The following EYS variants were observed in gnomAD, a reference collection of about 807,000 sequenced individuals.
The protein encoded by EYS is protein eyes shut homolog.
In EYS, 250 loss-of-function variants were observed where a neutral mutation model predicts 282.1. The ratio of observed to expected loss-of-function variants is 0.89; its 90% CI spans 0.80 to 0.98. The LOEUF (loss-of-function observed/expected upper bound fraction) is 0.98, where lower values mean the gene tolerates loss of function less well. EYS is among the 50% of genes least tolerant of loss of function. EYS has a pLI of 0.00. For missense variants in EYS, 4,016 were observed against 3,709.0 expected, an observed-to-expected ratio of 1.08 and a Z score of -2.15; for synonymous variants, 1,355 against 1,282.9, an observed-to-expected ratio of 1.06 and a Z score of -1.20.
intron 1 of EYS, among the ~76,000 whole-genome samples, chr6:65,679,736 C>G (rs1768751074): frequency 1.3e-5 from 2 of 151,856 alleles, no homozygotes; most frequent in South Asian, 4.1e-4. Flanking sequence ...CTTGTTATGA[C>G]AAATTAAAAA....
chr6:65,347,046 G>T (rs1770421874), intron 9 of EYS, among the ~76,000 whole-genome samples: 1 of 151,738 alleles, frequency 6.6e-6, no homozygotes, highest in South Asian at 2.1e-4. Flanking sequence ...TATTCTCAAT[G>T]ATCAGAAGGT....
At chr6:63,856,996 C>CA (rs1384749828) in intron 36 of EYS, among the ~76,000 whole-genome samples, 2 of 152,124 alleles carry the variant, frequency 1.3e-5, no homozygotes, top group Non-Finnish European at 2.9e-5. Context: ...CTCCATATAA[C>CA]AGACAACTTA....
chr6:64,417,874 A>G (rs1422182824), intron 28 of EYS, among the ~76,000 whole-genome samples: 1 of 152,022 alleles, frequency 6.6e-6, no homozygotes, highest in East Asian at 1.9e-4. Context: ...GTTTCACCAT[A>G]TAGGCCAGGC....
chr6:63,835,908 G>A (rs1446000328), intron 36 of EYS, among the ~76,000 whole-genome samples: 2 of 152,020 alleles, frequency 1.3e-5, no homozygotes, highest in Non-Finnish European at 2.9e-5. Flanking sequence ...GGAAAAGAAA[G>A]TCAAAAGACA....
At chr6:64,943,032 T>G (rs1440599272) in intron 15 of EYS, among the ~76,000 whole-genome samples, 1 of 152,016 alleles carries the variant, frequency 6.6e-6, no homozygotes, top group Non-Finnish European at 1.5e-5. Flanking sequence ...CTAAGCTTCA[T>G]TCCTGGGATG....
chr6:64,954,986 T>C (rs893875062), intron 14 of EYS, among the ~76,000 whole-genome samples: 1 of 152,084 alleles, frequency 6.6e-6, no homozygotes, highest in Non-Finnish European at 1.5e-5. Context: ...CTGGCCAATA[T>C]GGTGAAACCA....
chr6:64,045,381 A>AAGTTT (rs1770569716), intron 33 of EYS, among the ~76,000 whole-genome samples: 1 of 135,082 alleles, frequency 7.4e-6, no homozygotes, highest in Admixed American at 7.2e-5. Flanking sequence ...TGGGTGAAAC[A>AAGTTT]AGTTTATTTT....
chr6:63,867,186 C>T (rs1025504257), intron 35 of EYS, among the ~76,000 whole-genome samples: 3 of 152,162 alleles, frequency 2.0e-5, no homozygotes, highest in Middle Eastern at 3.2e-3. Context: ...GTTTTCAAAA[C>T]AGTGTCACCC....
chr6:64,767,951 T>G (rs1374942377), intron 22 of EYS, among the ~76,000 whole-genome samples: 1 of 152,150 alleles, frequency 6.6e-6, no homozygotes, highest in Non-Finnish European at 1.5e-5. Flanking sequence ...ATTTGGTATT[T>G]TTTTGTGTTT....
intron 31 of EYS, among the ~76,000 whole-genome samples, chr6:64,148,617 A>T (rs1200532935): frequency 6.6e-6 from 1 of 152,194 alleles, no homozygotes; most frequent in South Asian, 2.1e-4. Context: ...CCTCACTGAC[A>T]GTCCTATAAA....
rs527323208 is a variant in EYS at position 64,394,581 on chromosome 6, T to G, written c.5928-5741A>C. 2.4e-3 allele frequency among the ~76,000 whole-genome samples: 363 copies of G among 152,110 alleles called. 1 individual carries two copies. The highest frequency in any genetic ancestry group is 8.3e-3 in the African/African-American group (344 of 41,528). On this transcript the variant is annotated intron_variant, in intron 28 of 42. Coordinates refer to ENST00000503581, the MANE Select transcript of EYS (RefSeq NM_001142800.2). ...GCTGGGAAAACTGGCTAGCCATATG[T>G]AGAAAGCTGAAACTGGATCCCTTCC...
At chr6:63,926,666 G>T (rs1562099042) in intron 35 of EYS, among the ~76,000 whole-genome samples, 1 of 152,130 alleles carries the variant, frequency 6.6e-6, no homozygotes, top group Admixed American at 6.5e-5. Context: ...ACAGATTTTG[G>T]ATCATTGTGG....
intron 5 of EYS, among the ~76,000 whole-genome samples, chr6:65,414,232 G>A (rs979567138): frequency 6.6e-6 from 1 of 152,146 alleles, no homozygotes; most frequent in Non-Finnish European, 1.5e-5. Flanking sequence ...GTATGGGTAT[G>A]GAGATGAGCT....
At chr6:64,989,060 T>C (rs1483895485) in intron 14 of EYS, among the ~76,000 whole-genome samples, 1 of 151,564 alleles carries the variant, frequency 6.6e-6, no homozygotes, top group Non-Finnish European at 1.5e-5. Context: ...CATTATGTTA[T>C]AGATTCAACA....
At chr6:65,600,894 C>A (rs183144142) in intron 2 of EYS, among the ~76,000 whole-genome samples, 7 of 151,466 alleles carry the variant, frequency 4.6e-5, no homozygotes, top group Non-Finnish European at 7.4e-5. Flanking sequence ...TTAGGTAAGC[C>A]GTCAGTATAT....
chr6:65,381,490 A>G (rs1237130869), intron 8 of EYS, among the ~76,000 whole-genome samples: 1 of 151,810 alleles, frequency 6.6e-6, no homozygotes. Context: ...AAGGAGAGGG[A>G]GTGTATTAGG....
chr6:64,553,544 G>GAC (rs1554177763), intron 26 of EYS, among the ~76,000 whole-genome samples: 3 of 43,160 alleles, frequency 7.0e-5, no homozygotes, highest in Middle Eastern at 0.017. Flanking sequence ...ACTTTTGTTT[G>GAC]ACCCCCCCCC....
intron 36 of EYS, among the ~76,000 whole-genome samples, chr6:63,830,886 G>A (rs1467141840): frequency 6.6e-6 from 1 of 152,252 alleles, no homozygotes; most frequent in Non-Finnish European, 1.5e-5. Flanking sequence ...AACTCTTAAA[G>A]CCAGGAGAGA....
At chr6:64,089,133 AAAG>A (rs1327818647) in intron 31 of EYS, among the ~76,000 whole-genome samples, 4 of 152,064 alleles carry the variant, frequency 2.6e-5, no homozygotes, top group South Asian at 2.1e-4. Flanking sequence ...AGTTTATAAA[AAAG>A]AAGGTGACTG....
Sources: gnomAD v4.1 joint callset for allele counts (sites outside exome capture counted in the v4.1 genomes callset) on GRCh38, gnomAD v4.1.1 for gene constraint, MANE v1.5 for transcripts, NCBI Gene and HGNC (gene_info 2026-07-23, HGNC 2026-07-21) for gene names.